IRAK3: variants seen among roughly 807,000 people sequenced by gnomAD.
IRAK3 encodes interleukin-1 receptor-associated kinase 3.
A neutral mutation model predicts 56.6 loss-of-function variants in IRAK3; 57 were observed. The observed-to-expected ratio is 1.01, with a 90% CI of 0.81 to 1.26. IRAK3 has a LOEUF of 1.26. Among genes scored for constraint, IRAK3 ranks in the 50% most tolerant of loss-of-function variants. The pLI, the probability that IRAK3 is intolerant of heterozygous loss-of-function variation, is 0.00. For synonymous variants in IRAK3, 258 were observed against 255.7 expected, an observed-to-expected ratio of 1.01 and a Z score of -0.09; for missense variants, 703 against 719.0, an observed-to-expected ratio of 0.98 and a Z score of 0.25.
chr12:66,218,594 T>C (rs1443168363), intron 6 of IRAK3, among the ~76,000 whole-genome samples: 1 of 152,198 alleles, frequency 6.6e-6, no homozygotes, highest in Non-Finnish European at 1.5e-5. Flanking sequence ...TTCGCCAATC[T>C]GATAGGTGAA....
At chr12:66,197,928 C>A in intron 1 of IRAK3, 1 of 984,676 alleles carries the variant, frequency 1.0e-6, no homozygotes, top group African/African-American at 1.8e-5. Flanking sequence ...AAAAAACAAA[C>A]AGAGAATGGA....
chr12:66,196,394 T>C (rs958828026), intron 1 of IRAK3, among the ~76,000 whole-genome samples: 1 of 152,318 alleles, frequency 6.6e-6, no homozygotes, highest in South Asian at 2.1e-4. Context: ...TCCAATTTAG[T>C]GTAGGCAACA....
At position 66,211,555 on chromosome 12, in the gene IRAK3, G is replaced by A. The variant is rs142303323; in HGVS notation, c.546G>A (p.Val182=). The part of the protein sequence containing the change: ...GEGEIFEVYR[V]EIQNLTYAVK... ...GAGAGATTTTTGAGGTATACAGAGTGGAGATTCAAAACCTAACATATGCTG... is the reference window on the plus strand; with the variant it reads ...GAGAGATTTTTGAGGTATACAGAGTAGAGATTCAAAACCTAACATATGCTG... Residue 182 remains valine, a synonymous_variant, in exon 5 of 12, where the codon GTG becomes GTA. Transcript: ENST00000261233. 1.6e-5 allele frequency: 26 copies of A among 1,612,020 alleles called. No individual in the cohort carries two copies. Among genetic ancestry groups the A allele is most frequent in the Admixed American group, 1.5e-4 (9 of 60,012 alleles).
intron 2 of IRAK3, among the ~76,000 whole-genome samples, chr12:66,206,373 G>A (rs2052558245): frequency 6.6e-6 from 1 of 152,106 alleles, no homozygotes; most frequent in African/African-American, 2.4e-5. Context: ...TCGGTTTTTT[G>A]TAGATGGCCC....
chr12:66,239,750 G>A (rs1834195319), intron 8 of IRAK3, among the ~76,000 whole-genome samples: 1 of 152,038 alleles, frequency 6.6e-6, no homozygotes, highest in African/African-American at 2.4e-5. Flanking sequence ...TCTAAGGGAT[G>A]CCAAAACAAT....
chr12:66,198,027 T>TTTCC (rs1245165706), intron 1 of IRAK3: 2 of 985,200 alleles, frequency 2.0e-6, no homozygotes, highest in African/African-American at 1.7e-5. Flanking sequence ...AAACTGTGCC[T>TTTCC]TTCCTACTGT....
At chr12:66,246,066 G>C (rs1188883431) in intron 11 of IRAK3, among the ~76,000 whole-genome samples, 1 of 64,438 alleles carries the variant, frequency 1.6e-5, no homozygotes, top group Admixed American at 2.1e-4. Flanking sequence ...GGTCCAGCAA[G>C]AGAAACATGA....
chr12:66,204,469 C>T (rs2052538112), intron 2 of IRAK3, among the ~76,000 whole-genome samples: 1 of 152,112 alleles, frequency 6.6e-6, no homozygotes, highest in South Asian at 2.1e-4. Context: ...CCTTTGTCTT[C>T]TCTATTTCTG....
chr12:66,217,843 G>A (rs917872079), intron 6 of IRAK3, among the ~76,000 whole-genome samples: 1 of 152,006 alleles, frequency 6.6e-6, no homozygotes, highest in Non-Finnish European at 1.5e-5. Flanking sequence ...ATGTGAAGTC[G>A]GGAAGCAGGG....
chr12:66,234,609 T>A lies in IRAK3; in HGVS notation c.887+6239T>A, dbSNP rs561943204. 31 of 1,611,710 alleles carry A rather than the reference T, an allele frequency of 1.9e-5. No homozygotes were observed. The African/African-American group carries it at 3.7e-4, about 19-fold the overall frequency. On this transcript the variant is annotated intron_variant, in intron 8 of 11. Coordinates refer to ENST00000261233, the MANE Select transcript of IRAK3 (RefSeq NM_007199.3). ...TATTTGTTTGGGTTCTGTCTCTTTTTCTGTCCTCCATCAGAAAACTTACAC... is the reference window on the plus strand; with the variant it reads ...TATTTGTTTGGGTTCTGTCTCTTTTACTGTCCTCCATCAGAAAACTTACAC...
At chr12:66,213,669 G>T (rs1224894062) in intron 5 of IRAK3, among the ~76,000 whole-genome samples, 1 of 151,856 alleles carries the variant, frequency 6.6e-6, no homozygotes, top group African/African-American at 2.4e-5. Context: ...GTACCTCACT[G>T]GTGTGAGATG....
At chr12:66,220,800 G>A (rs567556175) in intron 6 of IRAK3, among the ~76,000 whole-genome samples, 17 of 152,134 alleles carry the variant, frequency 1.1e-4, no homozygotes, top group East Asian at 9.7e-4. Context: ...GATTACAGGC[G>A]TGAGCCACCG....
chr12:66,231,835 A>G (rs1263416654), intron 8 of IRAK3, among the ~76,000 whole-genome samples: 1 of 152,214 alleles, frequency 6.6e-6, no homozygotes, highest in Non-Finnish European at 1.5e-5. Context: ...GATGGAATGC[A>G]GCTTTGGATT....
chr12:66,202,113 G>T (rs994530012), intron 1 of IRAK3, among the ~76,000 whole-genome samples: 1 of 152,138 alleles, frequency 6.6e-6, no homozygotes, highest in Non-Finnish European at 1.5e-5. Flanking sequence ...CAAGAATAAA[G>T]TTACAAATGA....
At position 66,203,730 on chromosome 12, in the gene IRAK3, C is replaced by G. The variant is rs764826050; in HGVS notation, c.153C>G (p.Ser51Arg). 9.3e-6 allele frequency: 15 copies of G among 1,613,922 alleles called. No homozygotes were observed. The highest frequency in any genetic ancestry group is 2.7e-5 in the African/African-American group (2 of 74,918). The change falls in exon 2 of 12, where the codon AGC becomes AGG. Residue 51 changes from serine to arginine, a missense_variant. Coordinates refer to ENST00000261233, the MANE Select transcript of IRAK3 (RefSeq NM_007199.3). ...WRGLAERLSS[S>R]WLDVRHIEKY... ...CCACAGCAGAGAGACTTTCAAGCAG[C>G]TGGCTGGATGTTCGTCATATTGAAA... is the stretch of plus-strand genomic sequence containing the variant.
intron 6 of IRAK3, among the ~76,000 whole-genome samples, chr12:66,218,245 A>C (rs1224937996): frequency 6.6e-6 from 1 of 152,198 alleles, no homozygotes; most frequent in South Asian, 2.1e-4. Context: ...GGTGACATGA[A>C]CACATTGTAC....
At chr12:66,190,428 G>A (rs759104375) in intron 1 of IRAK3, among the ~76,000 whole-genome samples, 2 of 151,950 alleles carry the variant, frequency 1.3e-5, no homozygotes, top group Non-Finnish European at 2.9e-5. Flanking sequence ...GAGATTTCCA[G>A]TGTGCATTTG....
Position 66,193,233 on chromosome 12 carries a change from G to A in IRAK3, c.133+3801G>A, listed in dbSNP as rs555151290. On this transcript the variant is annotated intron_variant, in intron 1 of 11. Transcript: ENST00000261233. Reference sequence around the variant, plus strand: ...TCTCCATGTTGGTCAGGCTGGTCTCGAACTCCCGACCTCAGGTGATCTGCC... The same window carrying A: ...TCTCCATGTTGGTCAGGCTGGTCTCAAACTCCCGACCTCAGGTGATCTGCC... 2.6e-4 allele frequency among the ~76,000 whole-genome samples: 39 copies of A among 152,056 alleles called. No individual in the cohort carries two copies. The South Asian group carries it at 7.7e-3, about 30-fold the overall frequency.
intron 6 of IRAK3, among the ~76,000 whole-genome samples, chr12:66,220,607 G>T (rs1272398762): frequency 1.6e-5 from 2 of 126,892 alleles, no homozygotes. Flanking sequence ...TGCAAGCTCC[G>T]CCTCCCGGGT....
Sources: allele counts gnomAD v4.1 joint callset (sites outside exome capture counted in the v4.1 genomes callset), GRCh38; gene constraint gnomAD v4.1.1; transcripts MANE v1.5; gene names NCBI Gene and HGNC (gene_info 2026-07-23, HGNC 2026-07-21).